ALX1: variants seen among roughly 807,000 people sequenced by gnomAD.
ALX1 encodes ALX homeobox 1.
ALX1 carries 19 observed loss-of-function variants against 31.7 expected under a neutral mutation model. That is an observed-to-expected ratio of 0.60 (90% confidence interval 0.42 to 0.88). The LOEUF (loss-of-function observed/expected upper bound fraction) is 0.88. ALX1 is among the 40% of genes least tolerant of loss of function. ALX1 has a pLI of 0.00. For synonymous variants in ALX1, 153 were observed against 148.8 expected (o/e 1.03, Z -0.20); for missense variants, 415 against 407.8 (o/e 1.02, Z -0.15).
intron 3 of ALX1, among the ~76,000 whole-genome samples, chr12:85,300,643 T>A (rs939502891): frequency 2.6e-5 from 4 of 152,090 alleles, no homozygotes; most frequent in African/African-American, 9.7e-5. Context: ...AGGGCAAACA[T>A]GTTCCAGAAT....
At chr12:85,294,624 T>G (rs1350130248) in intron 3 of ALX1, among the ~76,000 whole-genome samples, 1 of 151,150 alleles carries the variant, frequency 6.6e-6, no homozygotes, top group African/African-American at 2.4e-5. Flanking sequence ...TGTAAACACA[T>G]TTATATGATG....
At chr12:85,286,419 A>G (rs577937415) in intron 2 of ALX1, among the ~76,000 whole-genome samples, 1 of 152,110 alleles carries the variant, frequency 6.6e-6, no homozygotes, top group East Asian at 1.9e-4. Context: ...ATAAGTTTTA[A>G]TAGACTCAGA....
intron 3 of ALX1, among the ~76,000 whole-genome samples, chr12:85,297,217 G>A (rs1200251590): frequency 6.6e-6 from 1 of 151,582 alleles, no homozygotes; most frequent in African/African-American, 2.4e-5. Context: ...TTATCTGCCA[G>A]CTTTTTCCTA....
At chr12:85,286,147 G>A (rs558195965) in intron 2 of ALX1, among the ~76,000 whole-genome samples, 1 of 151,914 alleles carries the variant, frequency 6.6e-6, no homozygotes, top group East Asian at 1.9e-4. Context: ...TTTCATAAGG[G>A]AAAATAAGTT....
intron 2 of ALX1, among the ~76,000 whole-genome samples, chr12:85,284,680 G>A (rs147486507): frequency 2.6e-5 from 4 of 152,072 alleles, no homozygotes; most frequent in African/African-American, 9.6e-5. Flanking sequence ...TTACCTCTTA[G>A]GAGTACTTTA....
chr12:85,301,758 TA>T lies in ALX1; in HGVS notation c.*284del, dbSNP rs1896970829. Reference sequence around the variant, plus strand: ...GTCAATGAAATATGATCACGCAACTTATTAAAGAATAAATGTGTTAAACAAA... The same window carrying T: ...GTCAATGAAATATGATCACGCAACTTTTAAAGAATAAATGTGTTAAACAAA... On this transcript the variant is annotated 3_prime_UTR_variant, in exon 4 of 4. Transcript: ENST00000316824. 3 of 414,850 alleles carry T rather than the reference TA, an allele frequency of 7.2e-6. No individual in the cohort carries two copies. The highest frequency in any genetic ancestry group is 6.1e-5 in the African/African-American group (3 of 49,462). The allele number at this position is 414,850 out of a possible 1,614,324, so 25.7% of individuals were successfully genotyped here.
intron 1 of ALX1, among the ~76,000 whole-genome samples, chr12:85,282,459 C>A (rs765451276): frequency 2.0e-5 from 3 of 151,238 alleles, no homozygotes; most frequent in Middle Eastern, 6.8e-3. Flanking sequence ...AAGTTATATG[C>A]GCATTAAACT....
Position 85,301,364 on chromosome 12 carries a change from C to A in ALX1, c.870C>A (p.Thr290=). 6.2e-7 allele frequency: 1 copy of A among 1,613,994 alleles called. No homozygotes were observed. The highest frequency in any genetic ancestry group is 8.5e-7 in the Non-Finnish European group (1 of 1,179,950). The change falls in exon 4 of 4, where the codon ACC becomes ACA. Residue 290 remains threonine (T), a synonymous_variant. Transcript: ENST00000316824. ...CTGACTCTCTTCTTACTGGGGCAAC[C>A]AATGGACATGCATTTGAAACAAAGC... ...FFTDSLLTGA[T]NGHAFETKPE... is the part of the protein sequence containing the mutation.
intron 3 of ALX1, among the ~76,000 whole-genome samples, chr12:85,294,278 G>T (rs1443992629): frequency 6.6e-6 from 1 of 150,886 alleles, no homozygotes; most frequent in Non-Finnish European, 1.5e-5. Flanking sequence ...TCACTAAAAT[G>T]AATCAGACAC....
At chr12:85,296,307 T>C (rs987342622) in intron 3 of ALX1, among the ~76,000 whole-genome samples, 3 of 151,640 alleles carry the variant, frequency 2.0e-5, no homozygotes, top group Non-Finnish European at 4.4e-5. Flanking sequence ...AGTATTTATG[T>C]TTATGTTAAT....
intron 3 of ALX1, among the ~76,000 whole-genome samples, chr12:85,297,252 A>G (rs950163129): frequency 5.3e-5 from 8 of 151,712 alleles, no homozygotes; most frequent in African/African-American, 1.9e-4. Context: ...TATGCAGTGT[A>G]TGATATTCTG....
intron 2 of ALX1, among the ~76,000 whole-genome samples, chr12:85,286,311 A>G (rs868204210): frequency 3.5e-4 from 53 of 151,954 alleles, no homozygotes; most frequent in African/African-American, 1.1e-3. Flanking sequence ...TGCTGCTGCC[A>G]TATATTTAGG....
chr12:85,293,616 AT>A (rs144095202), intron 3 of ALX1, among the ~76,000 whole-genome samples: 14 of 150,984 alleles, frequency 9.3e-5, no homozygotes, highest in African/African-American at 3.2e-4. Flanking sequence ...AGTTAACAAA[AT>A]TTTTTTAAAT....
chr12:85,295,667 G>A (rs538417733), intron 3 of ALX1, among the ~76,000 whole-genome samples: 133 of 151,554 alleles, frequency 8.8e-4, no homozygotes, highest in African/African-American at 3.1e-3. Flanking sequence ...AATTCCCACA[G>A]GAAAGTGTGT....
Position 85,280,366 on chromosome 12 carries a change from G to A in ALX1, c.105G>A (p.Leu35=), listed in dbSNP as rs1219261634. The A allele has an allele frequency of 1.2e-6, 2 of 1,613,926 alleles. No homozygotes were observed. The highest frequency in any genetic ancestry group is 1.1e-5 in the South Asian group (1 of 91,088). Residue 35 remains leucine (L), a synonymous_variant, in exon 1 of 4, where the codon CTG becomes CTA. Transcript: ENST00000316824. Reference sequence around the variant, plus strand: ...CTCTGGAGCACGTTATGGAGACGCTGGACAATGAGTCCTTTTACAGCAAAG... The same window carrying A: ...CTCTGGAGCACGTTATGGAGACGCTAGACAATGAGTCCTTTTACAGCAAAG... The part of the protein sequence containing the change: ...GGPLEHVMET[L]DNESFYSKAS...
chr12:85,301,776 T>G lies in ALX1; in HGVS notation c.*301T>G. 1 of 360,990 alleles carries G rather than the reference T, an allele frequency of 2.8e-6. No homozygotes were observed. The highest frequency in any genetic ancestry group is 5.0e-6 in the Non-Finnish European group (1 of 198,894). 22.4% of individuals were successfully genotyped at this position (360,990 alleles called of 1,614,324 possible). A position where few individuals can be genotyped will look rare whatever the true frequency, so the allele number is the denominator to read the frequency against. On this transcript the variant is annotated 3_prime_UTR_variant, in exon 4 of 4. Coordinates refer to ENST00000316824, the MANE Select transcript of ALX1 (RefSeq NM_006982.3). ...CGCAACTTATTAAAGAATAAATGTG[T>G]TAAACAAATTCTTCTGTTATAGATT...
At position 85,301,532 on chromosome 12, in the gene ALX1, A is replaced by G. The variant is rs1169492272; in HGVS notation, c.*57A>G. Reference sequence around the variant, plus strand: ...GCAAAGTTAAACATTCTTATTTCTCATATTTAAAGGATACCACAATAAGCT... The same window carrying G: ...GCAAAGTTAAACATTCTTATTTCTCGTATTTAAAGGATACCACAATAAGCT... On this transcript the variant is annotated 3_prime_UTR_variant, in exon 4 of 4. Transcript: ENST00000316824. The G allele has an allele frequency of 5.1e-6, 8 of 1,558,312 alleles. No homozygotes were observed. Among genetic ancestry groups the G allele is most frequent in the Middle Eastern group, 1.7e-4 (1 of 5,986 alleles).
At chr12:85,282,752 G>C (rs1460570190) in intron 1 of ALX1, among the ~76,000 whole-genome samples, 1 of 152,146 alleles carries the variant, frequency 6.6e-6, no homozygotes, top group African/African-American at 2.4e-5. Context: ...CAGAATGCCA[G>C]ATGTCATGCT....
chr12:85,300,695 G>A (rs914135682), intron 3 of ALX1, among the ~76,000 whole-genome samples: 4 of 152,054 alleles, frequency 2.6e-5, no homozygotes, highest in Non-Finnish European at 5.9e-5. Flanking sequence ...TCTATTGTCA[G>A]CAATGGTTTC....
Sources: gnomAD v4.1 joint callset for allele counts (sites outside exome capture counted in the v4.1 genomes callset) on GRCh38, gnomAD v4.1.1 for gene constraint, MANE v1.5 for transcripts, NCBI Gene and HGNC (gene_info 2026-07-23, HGNC 2026-07-21) for gene names.